The following QRICH2 variants were observed in gnomAD, a reference collection of about 807,000 sequenced individuals.
QRICH2 encodes the protein glutamine rich 2.
QRICH2 carries 119 observed loss-of-function variants against 168.3 expected under a neutral mutation model. The ratio of observed to expected loss-of-function variants is 0.71; its 90% CI spans 0.61 to 0.82. QRICH2 has a LOEUF of 0.82. Among genes scored for constraint, QRICH2 ranks in the 40% least tolerant of loss-of-function variants. QRICH2 has a pLI of 0.00. For missense variants in QRICH2, 2,241 were observed against 2,491.6 expected, an observed-to-expected ratio of 0.90 and a Z score of 2.14; for synonymous variants, 894 against 951.2, an observed-to-expected ratio of 0.94 and a Z score of 1.11.
At position 76,281,857 on chromosome 17, in the gene QRICH2, G is replaced by A. The variant is rs780733859; in HGVS notation, c.4263+7C>T. On this transcript the variant is annotated splice_region_variant and intron_variant, in intron 8 of 18. Transcript: ENST00000680821. The surrounding 1 kb of genome is among the most constrained non-coding windows in gnomAD (Gnocchi z 4.4). ...TTGCAGCAGGAGGGAGGCGAGCAGA[G>A]CCCCACCTGTCTCTGGAGCTTGGCC... is the stretch of plus-strand genomic sequence containing the variant. 6.2e-7 allele frequency: 1 copy of A among 1,610,930 alleles called. No individual in the cohort carries two copies. The highest frequency in any genetic ancestry group is 8.5e-7 in the Non-Finnish European group (1 of 1,178,058).
At position 76,275,904 on chromosome 17, in the gene QRICH2, G is replaced by A. The variant is rs139455952; in HGVS notation, c.5397C>T (p.His1799=). Residue 1799 remains histidine (H), a synonymous_variant, in exon 18 of 19, where the codon CAC becomes CAT. Transcript: ENST00000680821. ...SKRKSQQPRP[H]VHRPPSLSSN... The stretch of plus-strand genomic sequence containing the variant: ...TGCTGAGGGATGGCGGCCTGTGCAC[G>A]TGGGGCCTGGGCTGCTGGGACTTGC... The A allele has an allele frequency of 2.1e-5, 33 of 1,609,078 alleles. No homozygotes were observed. The African/African-American group carries it at 3.5e-4, about 17-fold the overall frequency.
intron 12 of QRICH2, 100 bp downstream of exon 12, chr17:76,279,933 T>G (rs1192006079): frequency 3.1e-5 from 43 of 1,391,094 alleles, no homozygotes; most frequent in Non-Finnish European, 3.0e-5. Context: ...CAGGATCCGC[T>G]GTGTGCTGGC....
chr17:76,278,980 CT>C, intron 14 of QRICH2, 60 bp downstream of exon 14: 1 of 1,402,716 alleles, frequency 7.1e-7, no homozygotes, highest in Non-Finnish European at 1.0e-6. Context: ...TGTCCCCTGC[CT>C]TCCCCATCCA....
chr17:76,275,890 G>A lies in QRICH2; in HGVS notation c.5411C>T (p.Pro1804Leu). 6.8e-6 allele frequency: 11 copies of A among 1,609,038 alleles called. No individual in the cohort carries two copies. The highest frequency in any genetic ancestry group is 9.3e-6 in the Non-Finnish European group (11 of 1,179,936). The change falls in exon 18 of 19, where the codon CCA (proline) becomes CTA (leucine). Residue 1804 changes from proline (P) to leucine (L), a missense_variant. Physicochemically the swap from Pro to Leu is moderately conservative, Grantham distance 98. Coordinates refer to ENST00000680821, the MANE Select transcript of QRICH2 (RefSeq NM_001388453.1). ...CAGCTGGCCATTGCTGCTGAGGGAT[G>A]GCGGCCTGTGCACGTGGGGCCTGGG... ...QQPRPHVHRP[P>L]SLSSNGQLPS...
intron 15 of QRICH2, among the ~76,000 whole-genome samples, chr17:76,277,557 TACAC>T (rs373786067): frequency 1.1e-4 from 17 of 151,650 alleles, no homozygotes; most frequent in Admixed American, 2.6e-4. Flanking sequence ...CATGTACTCA[TACAC>T]ACAGTCACAC....
intron 3 of QRICH2, among the ~76,000 whole-genome samples, chr17:76,294,491 A>G (rs148245710): frequency 6.6e-6 from 1 of 152,180 alleles, no homozygotes; most frequent in African/African-American, 2.4e-5. Flanking sequence ...GAGACTCTGC[A>G]TATTTGAAAA....
Position 76,292,209 on chromosome 17 carries a change from C to G in QRICH2, c.2518G>C (p.Gly840Arg), listed in dbSNP as rs779220993. ...GLVQPGAVQR[G>R]LVQPGAVQHG... ...TGAACTGCACCAGGTTGGACCAAACCACGCTGAACTGCACCAGGTTGAACC... is the reference window on the plus strand; with the variant it reads ...TGAACTGCACCAGGTTGGACCAAACGACGCTGAACTGCACCAGGTTGAACC... The change falls in exon 4 of 19, where the codon GGT (glycine) becomes CGT (arginine). Residue 840 changes from glycine (G) to arginine (R), a missense_variant. By Grantham distance (125) the Gly-to-Arg change is moderately radical (BLOSUM62 -2). Transcript: ENST00000680821. The G allele has an allele frequency of 6.6e-7, 1 of 1,523,706 alleles. No homozygotes were observed. Among genetic ancestry groups the G allele is most frequent in the Non-Finnish European group, 8.9e-7 (1 of 1,122,032 alleles). 94.4% of individuals were successfully genotyped at this position (1,523,706 alleles called of 1,614,324 possible).
intron 3 of QRICH2, among the ~76,000 whole-genome samples, chr17:76,302,170 T>G (rs1177957536): frequency 1.3e-5 from 2 of 152,014 alleles, no homozygotes; most frequent in Non-Finnish European, 2.9e-5. Flanking sequence ...AGTGCTGGGA[T>G]TCCAGCTGTG....
upstream of QRICH2, chr17:76,308,638 T>A (rs150278672): frequency 3.0e-5 from 9 of 299,596 alleles, no homozygotes; most frequent in East Asian, 1.4e-3. Flanking sequence ...TTTTGTTCAA[T>A]CAAAGGTGAA....
At chr17:76,282,156 A>G (rs1239951893) in intron 7 of QRICH2, 41 bp from the exon 8 acceptor site, 1 of 1,566,430 alleles carries the variant, frequency 6.4e-7, no homozygotes, top group Non-Finnish European at 8.7e-7. Flanking sequence ...CAGTGAGGCC[A>G]GTCACGGCCA....
rs61553346 is a variant in QRICH2, at chr17:76,284,168, CAAAAAAAAAAA to C, written c.4012-2064_4012-2054del. Among the ~76,000 whole-genome samples, 16 of 62,746 alleles carry C rather than the reference CAAAAAAAAAAA, an allele frequency of 2.5e-4. 1 individual carries two copies. The highest frequency in any genetic ancestry group is 5.4e-4 in the Admixed American group (3 of 5,602). The allele number at this position is 62,746 out of a possible 152,430, so 41.2% of individuals were successfully genotyped here. ...GGGCAACAGAGCAAAACTCTGTCTC[CAAAAAAAAAAA>C]AAAAAAAAAAAAAAAAATGCACAAA... On this transcript the variant is annotated intron_variant, in intron 7 of 18. Transcript: ENST00000680821.
chr17:76,306,906 G>C (rs904353112), intron 1 of QRICH2, among the ~76,000 whole-genome samples: 2 of 151,658 alleles, frequency 1.3e-5, no homozygotes, highest in Non-Finnish European at 2.9e-5. Context: ...AAAAGTCCAA[G>C]TGAAACGGTC....
intron 3 of QRICH2, among the ~76,000 whole-genome samples, chr17:76,302,446 C>A (rs1391452039): frequency 6.6e-6 from 1 of 152,064 alleles, no homozygotes; most frequent in Non-Finnish European, 1.5e-5. Flanking sequence ...ATCCCCTGAA[C>A]CTGGGAGCAT....
chr17:76,289,972 G>C lies in QRICH2; in HGVS notation c.3798+20C>G, dbSNP rs2070958231. ...ATCTCAAAAAAAAAAAAAAGACAAAGTGGGTTGACTCTTCCTTACTTTTGC... is the reference window on the plus strand; with the variant it reads ...ATCTCAAAAAAAAAAAAAAGACAAACTGGGTTGACTCTTCCTTACTTTTGC... On this transcript the variant is annotated intron_variant, in intron 5 of 18. Transcript: ENST00000680821. 1 of 1,525,564 alleles carries C rather than the reference G, an allele frequency of 6.6e-7. No individual in the cohort carries two copies. The highest frequency in any genetic ancestry group is 9.0e-7 in the Non-Finnish European group (1 of 1,115,494). 94.5% of individuals were successfully genotyped at this position (1,525,564 alleles called of 1,614,324 possible).
chr17:76,288,244 C>T (rs1046109625), intron 5 of QRICH2, among the ~76,000 whole-genome samples: 3 of 151,748 alleles, frequency 2.0e-5, no homozygotes, highest in Non-Finnish European at 2.9e-5. Context: ...ATCAGCTGGG[C>T]GTGGTGGCTG....
intron 4 of QRICH2, 31 bp from the exon 5 acceptor site, chr17:76,290,108 G>T: frequency 6.5e-7 from 1 of 1,540,200 alleles, no homozygotes; most frequent in Non-Finnish European, 9.0e-7. Flanking sequence ...ATGATCAGAG[G>T]GGTTAGATCT....
intron 3 of QRICH2, among the ~76,000 whole-genome samples, chr17:76,301,954 C>T (rs1275324947): frequency 2.0e-5 from 3 of 150,620 alleles, no homozygotes; most frequent in Admixed American, 2.0e-4. Context: ...GGCTGGAGTG[C>T]AGTGGCACGA....
At position 76,287,274 on chromosome 17, in the gene QRICH2, G is replaced by A. The variant is rs1392409476; in HGVS notation, c.3929C>T (p.Ala1310Val). 6.2e-7 allele frequency: 1 copy of A among 1,613,950 alleles called. No homozygotes were observed. The highest frequency in any genetic ancestry group is 1.7e-5 in the Admixed American group (1 of 59,986). The change falls in exon 7 of 19, where the codon GCC (alanine) becomes GTC (valine). Residue 1310 changes from alanine to valine, a missense_variant. By Grantham distance (64) the Ala-to-Val change is moderately conservative. This residue lies in a region of QRICH2 where 2,047 missense variants were observed against 2,303.8 expected (regional missense o/e 0.89). Coordinates refer to ENST00000680821, the MANE Select transcript of QRICH2 (RefSeq NM_001388453.1). Reference protein sequence around the residue: ...VTVADIEKELAELRESQDRGK... With the variant: ...VTVADIEKELVELRESQDRGK... ...CCTGTCTTGGCTCTCCCTCAACTCGGCCAGCTCCTTTTCTATGTCAGCCAC... is the reference window on the plus strand; with the variant it reads ...CCTGTCTTGGCTCTCCCTCAACTCGACCAGCTCCTTTTCTATGTCAGCCAC...
chr17:76,284,001 A>G lies in QRICH2; in HGVS notation c.4012-1886T>C, dbSNP rs188638378. 2.0e-3 allele frequency among the ~76,000 whole-genome samples: 284 copies of G among 141,240 alleles called. 12 individuals carry two copies. Among genetic ancestry groups the G allele is most frequent in the Admixed American group, 3.0e-3 (44 of 14,890 alleles). The allele number at this position is 141,240 out of a possible 152,430, so 92.7% of individuals were successfully genotyped here. ...ACCAATGTGGTGAAACCCTGTATCT[A>G]CTAAAAATACAAAAAAATTACCCAG... On this transcript the variant is annotated intron_variant, in intron 7 of 18. Coordinates refer to ENST00000680821, the MANE Select transcript of QRICH2 (RefSeq NM_001388453.1).
Sources: allele counts gnomAD v4.1 joint callset (sites outside exome capture counted in the v4.1 genomes callset), GRCh38; gene constraint gnomAD v4.1.1; regional missense constraint gnomAD v4.1.1; non-coding constraint Gnocchi (gnomAD v3.1); transcripts MANE v1.5; gene names NCBI Gene and HGNC (gene_info 2026-07-23, HGNC 2026-07-21).